The following TASP1 variants were observed in gnomAD, a reference collection of about 807,000 sequenced individuals.
TASP1 encodes the protein threonine aspartase 1.
In TASP1, 16 loss-of-function variants were observed where a neutral mutation model predicts 56.6. That is an observed-to-expected ratio of 0.28 (90% confidence interval 0.19 to 0.43). TASP1 has a LOEUF of 0.43. Among genes scored for constraint, TASP1 ranks in the 20% least tolerant of loss-of-function variants. TASP1 has a pLI of 1.00. For missense variants in TASP1, 393 were observed against 511.6 expected (o/e 0.77, Z 2.24); for synonymous variants, 179 against 184.2 (o/e 0.97, Z 0.23).
the TASP1 span, among the ~76,000 whole-genome samples, chr20:13,215,136 A>G: frequency 6.6e-6 from 1 of 152,198 alleles, no homozygotes; most frequent in East Asian, 1.9e-4. Context: ...GAGAAATACA[A>G]AGCACGTTGG....
At chr20:13,345,462 C>A in the TASP1 span, among the ~76,000 whole-genome samples, 2 of 152,194 alleles carry the variant, frequency 1.3e-5, no homozygotes, top group African/African-American at 2.4e-5. Context: ...CCTCCTGGAG[C>A]CAATCTAAGC....
chr20:13,484,245 C>T (rs1028523696), intron 10 of TASP1, among the ~76,000 whole-genome samples: 19 of 152,174 alleles, frequency 1.2e-4, no homozygotes, highest in Non-Finnish European at 2.1e-4. Context: ...GGAAGATAGT[C>T]TGGTGATTCC....
chr20:13,576,229 G>A (rs1339419707), intron 6 of TASP1, among the ~76,000 whole-genome samples: 1 of 146,114 alleles, frequency 6.8e-6, no homozygotes, highest in Non-Finnish European at 1.5e-5. Context: ...GGAGGGGAGG[G>A]GAGGGGAGCG....
chr20:13,421,743 T>C (rs1600738290), intron 12 of TASP1, among the ~76,000 whole-genome samples: 1 of 152,242 alleles, frequency 6.6e-6, no homozygotes, highest in East Asian at 1.9e-4. Context: ...AGCAGATTCA[T>C]ATAGCAGTGG....
the TASP1 span, among the ~76,000 whole-genome samples, chr20:13,210,182 A>G: frequency 6.6e-6 from 1 of 152,190 alleles, no homozygotes; most frequent in Non-Finnish European, 1.5e-5. Context: ...GCCGCCAACC[A>G]TTAATTCTTT....
chr20:13,604,582 C>G lies in TASP1; in HGVS notation c.283-17212G>C, dbSNP rs556806214. On this transcript the variant is annotated intron_variant, in intron 4 of 13. Coordinates refer to ENST00000337743, the MANE Select transcript of TASP1 (RefSeq NM_017714.3). ...GTATTCCTTTATAGCAATGCGAAAG[C>G]AACTAATACAGCAGTGGTTCCTACA... Among the ~76,000 whole-genome samples, 3 of 152,244 alleles carry G rather than the reference C, an allele frequency of 2.0e-5. No individual in the cohort carries two copies. The South Asian group carries it at 6.2e-4, about 32-fold the overall frequency.
At chr20:13,411,186 G>A (rs761345537) in intron 13 of TASP1, among the ~76,000 whole-genome samples, 3 of 152,074 alleles carry the variant, frequency 2.0e-5, no homozygotes, top group Admixed American at 6.6e-5. Flanking sequence ...TGGTCTATAT[G>A]CCTGTTTTTA....
At chr20:13,452,050 G>GCA (rs2043641619) in intron 11 of TASP1, among the ~76,000 whole-genome samples, 17 of 151,974 alleles carry the variant, frequency 1.1e-4, no homozygotes, top group Admixed American at 1.1e-3. Flanking sequence ...TTACACACAG[G>GCA]TTTACAGTCT....
chr20:13,143,719 A>G, the TASP1 span, among the ~76,000 whole-genome samples: 1 of 152,226 alleles, frequency 6.6e-6, no homozygotes, highest in South Asian at 2.1e-4. Context: ...TTCTGCAGGC[A>G]GCTGCCTTGG....
chr20:13,288,762 C>T, the TASP1 span: 3 of 1,392,128 alleles, frequency 2.2e-6, no homozygotes, highest in African/African-American at 1.4e-5. Flanking sequence ...GTGACATTGT[C>T]TTTTTAAAAG....
intron 1 of TASP1, 83 bp from the exon 2 acceptor site, chr20:13,630,235 T>C: frequency 1.5e-6 from 1 of 684,320 alleles, no homozygotes; most frequent in Non-Finnish European, 2.2e-6. Context: ...AAAGATAATG[T>C]TCAAAAATCC....
At chr20:13,316,219 C>T in the TASP1 span, among the ~76,000 whole-genome samples, 1 of 151,858 alleles carries the variant, frequency 6.6e-6, no homozygotes. Context: ...CCTGGAAAAA[C>T]ACAATCTGCC....
chr20:13,337,977 G>A, the TASP1 span, among the ~76,000 whole-genome samples: 7 of 152,274 alleles, frequency 4.6e-5, no homozygotes, highest in Admixed American at 2.6e-4. Flanking sequence ...GGTCCTGATC[G>A]AGACCCCAAG....
At chr20:13,165,021 T>C in the TASP1 span, 1 of 600,736 alleles carries the variant, frequency 1.7e-6, no homozygotes, top group African/African-American at 1.9e-5. Flanking sequence ...TTGTTTTTAA[T>C]GTCTCCAGCT....
chr20:13,442,778 T>C (rs1185589461), intron 11 of TASP1, among the ~76,000 whole-genome samples: 1 of 152,064 alleles, frequency 6.6e-6, no homozygotes, highest in Admixed American at 6.5e-5. Context: ...TATGAGTTCA[T>C]CCAATTATTT....
At chr20:13,275,609 A>C in the TASP1 span, among the ~76,000 whole-genome samples, 2 of 152,192 alleles carry the variant, frequency 1.3e-5, no homozygotes, top group Non-Finnish European at 2.9e-5. Flanking sequence ...CTTGTCTATA[A>C]AATTGGAATG....
intron 4 of TASP1, among the ~76,000 whole-genome samples, chr20:13,590,690 A>G (rs745715394): frequency 4.1e-4 from 62 of 151,888 alleles, no homozygotes; most frequent in African/African-American, 8.5e-4. Flanking sequence ...ACATGGTGAA[A>G]CCCCATCTCT....
intron 10 of TASP1, among the ~76,000 whole-genome samples, chr20:13,499,830 A>G (rs1357211334): frequency 6.6e-6 from 1 of 152,218 alleles, no homozygotes; most frequent in Non-Finnish European, 1.5e-5. Flanking sequence ...CTTTTACAGT[A>G]ACATGGATGA....
the TASP1 span, chr20:13,299,839 T>A: frequency 1.1e-5 from 2 of 176,346 alleles, no homozygotes; most frequent in Non-Finnish European, 2.4e-5. The surrounding 1 kb of genome is among the most constrained non-coding windows in gnomAD (Gnocchi z 5.8). Flanking sequence ...AAGCAGTTTT[T>A]ATATATAACT....
Sources: gnomAD v4.1 joint callset for allele counts (sites outside exome capture counted in the v4.1 genomes callset) on GRCh38, gnomAD v4.1.1 for gene constraint, Gnocchi (gnomAD v3.1) non-coding constraint, MANE v1.5 for transcripts, NCBI Gene and HGNC (gene_info 2026-07-23, HGNC 2026-07-21) for gene names.